Variants in PEAK1 observed in about 807,000 individuals in gnomAD.
PEAK1 encodes the protein pseudopodium enriched atypical kinase 1.
In PEAK1, 54 loss-of-function variants were observed where a neutral mutation model predicts 124.7. The ratio of observed to expected loss-of-function variants is 0.43; its 90% CI spans 0.35 to 0.54. PEAK1 has a LOEUF of 0.54. PEAK1 is among the 20% of genes least tolerant of loss of function. PEAK1 has a pLI of 0.01. For missense variants in PEAK1, 2,046 were observed against 2,134.5 expected (o/e 0.96, Z 0.82); for synonymous variants, 719 against 760.0 (o/e 0.95, Z 0.89).
At chr15:77,252,269 T>C (rs988757227) in intron 6 of PEAK1, 98 bp downstream of exon 6, 1 of 653,928 alleles carries the variant, frequency 1.5e-6, no homozygotes, top group Non-Finnish European at 1.9e-6. Flanking sequence ...TATCTATAGT[T>C]TGGCATTTAA....
intron 2 of PEAK1, chr15:77,347,746 A>T: frequency 1.0e-6 from 1 of 976,074 alleles, no homozygotes; most frequent in Non-Finnish European, 1.2e-6. Context: ...TTACAAAATA[A>T]ATTAGGAGTT....
In PEAK1 at chr15:77,364,123, C is replaced by T. The variant is rs1597448355; in HGVS notation, c.-603+1040G>A. On this transcript the variant is annotated intron_variant, in intron 2 of 9. Transcript: ENST00000682557. ...CTGAGGTAGGAGAACTGCTTGAACT[C>T]GGGAGGCAGAGGTTGCGGTGAACCA... Among the ~76,000 whole-genome samples, 6 of 152,224 alleles carry T rather than the reference C, an allele frequency of 3.9e-5. No homozygotes were observed. The South Asian group carries it at 1.0e-3, about 26-fold the overall frequency.
chr15:77,180,906 A>T lies in PEAK1; in HGVS notation c.1021T>A (p.Ser341Thr), dbSNP rs1206719631. 27 of 1,613,842 alleles carry T rather than the reference A, an allele frequency of 1.7e-5. No homozygotes were observed. Among genetic ancestry groups the T allele is most frequent in the Non-Finnish European group, 1.9e-5 (23 of 1,179,908 alleles). Residue 341 changes from serine (S) to threonine (T), a missense_variant, in exon 7 of 10, where the codon TCC becomes ACC. Coordinates refer to ENST00000682557, the MANE Select transcript of PEAK1 (RefSeq NM_001385026.1). ...GTTAAAGAAGAATCTGGTGATGTGG[A>T]GTCAGATGACACCATGCTCTGAATG... Reference protein sequence around the residue: ...GSIQSMVSSDSTSPDSSLTEE... With the variant: ...GSIQSMVSSDTTSPDSSLTEE...
chr15:77,139,535 T>C (rs1394560257), intron 8 of PEAK1, among the ~76,000 whole-genome samples: 1 of 152,166 alleles, frequency 6.6e-6, no homozygotes, highest in Non-Finnish European at 1.5e-5. Flanking sequence ...GCTATGTCAC[T>C]AGGTAACAGG....
intron 5 of PEAK1, among the ~76,000 whole-genome samples, chr15:77,268,687 A>C (rs1162178390): frequency 6.6e-6 from 1 of 152,078 alleles, no homozygotes; most frequent in Non-Finnish European, 1.5e-5. Context: ...TCATCGCAAA[A>C]ACATCACCAC....
intron 2 of PEAK1, among the ~76,000 whole-genome samples, chr15:77,299,591 T>C (rs1221134754): frequency 1.3e-5 from 2 of 152,252 alleles, no homozygotes; most frequent in Admixed American, 6.5e-5. Context: ...AAATCTGGAA[T>C]AGTTCTAAAG....
chr15:77,376,302 G>A (rs1260169755), intron 1 of PEAK1, among the ~76,000 whole-genome samples: 1 of 151,918 alleles, frequency 6.6e-6, no homozygotes, highest in East Asian at 1.9e-4. Flanking sequence ...GGAAAACAAG[G>A]AAAATTAAGG....
intron 2 of PEAK1, among the ~76,000 whole-genome samples, chr15:77,326,312 T>A (rs907474094): frequency 7.2e-5 from 11 of 152,204 alleles, no homozygotes. Flanking sequence ...TATCTTGTGA[T>A]GACAAACCAT....
chr15:77,190,970 T>C (rs918796988), intron 6 of PEAK1, among the ~76,000 whole-genome samples: 18 of 152,242 alleles, frequency 1.2e-4, no homozygotes, highest in African/African-American at 3.1e-4. Flanking sequence ...ATTTGTTTTA[T>C]AGCTAAATGA....
chr15:77,102,881 T>C (rs1432364062), exon 7 of PEAK1: 2 of 152,190 alleles, frequency 1.3e-5, no homozygotes, highest in Admixed American at 1.3e-4. Flanking sequence ...TGTAAAGTTT[T>C]TCACTCCAGA....
chr15:77,355,554 T>C (rs1597414525), intron 2 of PEAK1, among the ~76,000 whole-genome samples: 1 of 152,102 alleles, frequency 6.6e-6, no homozygotes, highest in Non-Finnish European at 1.5e-5. Flanking sequence ...CTAGTTCAGT[T>C]CAAGTTCAAA....
chr15:77,367,399 G>A (rs907742631), intron 1 of PEAK1, among the ~76,000 whole-genome samples: 1 of 152,164 alleles, frequency 6.6e-6, no homozygotes, highest in Non-Finnish European at 1.5e-5. Flanking sequence ...TGACTGCAAA[G>A]GGGCTTAAGA....
intron 2 of PEAK1, among the ~76,000 whole-genome samples, chr15:77,317,027 AC>A (rs1443334795): frequency 1.3e-5 from 2 of 152,064 alleles, no homozygotes; most frequent in Non-Finnish European, 2.9e-5. Context: ...GTTGCAGTGA[AC>A]CAAGATGGCA....
intron 2 of PEAK1, among the ~76,000 whole-genome samples, chr15:77,286,752 T>C (rs17383984): frequency 0.27 from 41,351 of 152,092 alleles, 6,651 homozygotes; most frequent in Middle Eastern, 0.38. Flanking sequence ...ATTTGTTCCT[T>C]ACTTCAAAAA....
Position 77,110,070 on chromosome 15 carries a change from A to G in PEAK1, c.*4086T>C, listed in dbSNP as rs552948406. 1 of 152,288 alleles carries G rather than the reference A, an allele frequency of 6.6e-6. No homozygotes were observed. The highest frequency in any genetic ancestry group is 6.5e-5 in the Admixed American group (1 of 15,278). 9.4% of individuals were successfully genotyped at this position (152,288 alleles called of 1,614,324 possible). Reference sequence around the variant, plus strand: ...AAAGTATTCATAACTCAAAATTGAGACGCTTAGTAGGACCCAAAGATCTTT... The same window carrying G: ...AAAGTATTCATAACTCAAAATTGAGGCGCTTAGTAGGACCCAAAGATCTTT... On this transcript the variant is annotated 3_prime_UTR_variant, in exon 10 of 10. Transcript: ENST00000682557.
chr15:77,182,944 G>A lies in PEAK1; in HGVS notation c.-114-904C>T, dbSNP rs148498752. ...TGACCAAAACCCATGAAATTCTTAC[G>A]TATATAAGTCCAACAAAATATGTGT... On this transcript the variant is annotated intron_variant, in intron 6 of 9. Transcript: ENST00000682557. Among the ~76,000 whole-genome samples, 25 of 151,712 alleles carry A rather than the reference G, an allele frequency of 1.6e-4. No homozygotes were observed. In the East Asian group the frequency reaches 3.7e-3, roughly 22 times the overall value.
At chr15:77,142,212 T>C (rs1017156411) in intron 8 of PEAK1, among the ~76,000 whole-genome samples, 2 of 152,204 alleles carry the variant, frequency 1.3e-5, no homozygotes, top group Non-Finnish European at 2.9e-5. Flanking sequence ...AAATGGCCAG[T>C]GTGTGTGGAA....
intron 5 of PEAK1, chr15:77,278,840 T>TTTG (rs1224752054): frequency 3.0e-6 from 1 of 336,850 alleles, no homozygotes; most frequent in Non-Finnish European, 5.7e-6. Flanking sequence ...GGGTTTTTTT[T>TTTG]TTTTTTTTTT....
At chr15:77,415,024 C>A (rs1000643421) in intron 1 of PEAK1, among the ~76,000 whole-genome samples, 4 of 152,190 alleles carry the variant, frequency 2.6e-5, no homozygotes, top group African/African-American at 9.6e-5. Flanking sequence ...AATTTAAACC[C>A]AAGCTGTTCA....
Sources: allele counts gnomAD v4.1 joint callset (sites outside exome capture counted in the v4.1 genomes callset), GRCh38; gene constraint gnomAD v4.1.1; transcripts MANE v1.5; gene names NCBI Gene and HGNC (gene_info 2026-07-23, HGNC 2026-07-21).